NAALADL2: variants seen among roughly 807,000 people sequenced by gnomAD.
NAALADL2 encodes the protein N-acetylated alpha-linked acidic dipeptidase like 2, also known as inactive N-acetylated-alpha-linked acidic dipeptidase-like protein 2.
NAALADL2 carries 76 observed loss-of-function variants against 87.2 expected under a neutral mutation model. The observed-to-expected ratio is 0.87, with a 90% CI of 0.72 to 1.05. The LOEUF (loss-of-function observed/expected upper bound fraction) is 1.05, where lower values mean the gene tolerates loss of function less well. Among genes scored for constraint, NAALADL2 ranks in the 50% least tolerant of loss-of-function variants. The probability of loss-of-function intolerance (pLI) is 0.00; values close to 1 mark genes in which losing one functional copy is unlikely to be tolerated. For missense variants in NAALADL2, 1,089 were observed against 945.8 expected (o/e 1.15, Z -1.99); for synonymous variants, 354 against 331.0 (o/e 1.07, Z -0.75).
intron 1 of NAALADL2, among the ~76,000 whole-genome samples, chr3:174,963,118 T>G (rs1186993780): frequency 6.6e-6 from 1 of 152,096 alleles, no homozygotes; most frequent in Non-Finnish European, 1.5e-5. Context: ...GGAGGTCAAA[T>G]ATACATTCTG....
At chr3:174,455,865 TG>T (rs1715799013) in intron 1 of NAALADL2, among the ~76,000 whole-genome samples, 1 of 152,142 alleles carries the variant, frequency 6.6e-6, no homozygotes, top group South Asian at 2.1e-4. Context: ...TTGGAAGTCC[TG>T]GCCAGAGCAG....
At chr3:175,787,087 G>A (rs1019605076) in intron 13 of NAALADL2, among the ~76,000 whole-genome samples, 4 of 152,146 alleles carry the variant, frequency 2.6e-5, no homozygotes, top group South Asian at 2.1e-4. Flanking sequence ...CTCCAGCTGT[G>A]TGCTGGGAGA....
chr3:175,805,985 A>G lies in NAALADL2; in HGVS notation c.*2782A>G, dbSNP rs1397167792. 6.6e-6 allele frequency: 1 copy of G among 151,938 alleles called. No individual in the cohort carries two copies. Among genetic ancestry groups the G allele is most frequent in the African/African-American group, 2.4e-5 (1 of 41,412 alleles). 9.4% of individuals were successfully genotyped at this position (151,938 alleles called of 1,614,324 possible). A position where few individuals can be genotyped will look rare whatever the true frequency, so the allele number is the denominator to read the frequency against. On this transcript the variant is annotated 3_prime_UTR_variant, in exon 14 of 14. Coordinates refer to ENST00000454872, the MANE Select transcript of NAALADL2 (RefSeq NM_207015.3). ...AACCCAAAGTGAGTAAGAAACTTGG[A>G]CATAGTCATGTATTTAGTTAGTAAC...
At chr3:175,622,067 T>C (rs1025408642) in intron 10 of NAALADL2, among the ~76,000 whole-genome samples, 11 of 152,212 alleles carry the variant, frequency 7.2e-5, no homozygotes, top group African/African-American at 2.7e-4. Flanking sequence ...AATTAAAGGA[T>C]AACAATATTA....
intron 1 of NAALADL2, among the ~76,000 whole-genome samples, chr3:174,962,377 T>TATATATATATGTCATAGTGACTATGAC (rs1553904473): frequency 4.7e-4 from 48 of 101,424 alleles, no homozygotes; most frequent in African/African-American, 4.1e-3. Flanking sequence ...ATGACATATA[T>TATATATATATGTCATAGTGACTATGAC]ATATATATAT....
At chr3:174,480,917 GC>G (rs1427068548) in intron 1 of NAALADL2, among the ~76,000 whole-genome samples, 2 of 152,038 alleles carry the variant, frequency 1.3e-5, no homozygotes, top group Non-Finnish European at 2.9e-5. Flanking sequence ...ATAAATTAAT[GC>G]CAGAAGGAGG....
chr3:174,501,777 C>T (rs941655343), intron 1 of NAALADL2, among the ~76,000 whole-genome samples: 1 of 151,750 alleles, frequency 6.6e-6, no homozygotes, highest in African/African-American at 2.4e-5. Flanking sequence ...TAATTTATAT[C>T]TTTTTTCTTT....
chr3:174,718,111 TCAAACAAA>T (rs1197073999), intron 2 of NAALADL2, among the ~76,000 whole-genome samples: 2 of 151,940 alleles, frequency 1.3e-5, no homozygotes, highest in African/African-American at 2.4e-5. Flanking sequence ...ATATTGTGTC[TCAAACAAA>T]CAAACAAACA....
intron 11 of NAALADL2, among the ~76,000 whole-genome samples, chr3:175,725,912 G>T (rs1401643940): frequency 6.6e-6 from 1 of 152,120 alleles, no homozygotes; most frequent in Admixed American, 6.6e-5. Context: ...TCATGTTAAA[G>T]ATAGTTATTA....
intron 5 of NAALADL2, among the ~76,000 whole-genome samples, chr3:175,424,190 T>A (rs879921462): frequency 6.6e-6 from 1 of 152,012 alleles, no homozygotes; most frequent in Admixed American, 6.6e-5. Flanking sequence ...TGCAAAAATT[T>A]TGTCCCATTC....
intron 2 of NAALADL2, among the ~76,000 whole-genome samples, chr3:175,172,857 C>T (rs1333507525): frequency 6.6e-6 from 1 of 152,110 alleles, no homozygotes; most frequent in Admixed American, 6.6e-5. Flanking sequence ...TTTGTTTTCA[C>T]TTAAGGACCT....
At chr3:174,598,293 T>G (rs1225583646) in intron 2 of NAALADL2, among the ~76,000 whole-genome samples, 1 of 152,184 alleles carries the variant, frequency 6.6e-6, no homozygotes, top group Non-Finnish European at 1.5e-5. Context: ...AACTTTGAGT[T>G]AGTGTGACTA....
intron 11 of NAALADL2, among the ~76,000 whole-genome samples, chr3:175,721,782 T>C (rs2150035672): frequency 6.6e-6 from 1 of 152,060 alleles, no homozygotes; most frequent in South Asian, 2.1e-4. Flanking sequence ...GGAGGTGGGG[T>C]AACTACATAA....
intron 2 of NAALADL2, among the ~76,000 whole-genome samples, chr3:174,555,732 C>T (rs1712711878): frequency 6.6e-6 from 1 of 152,154 alleles, no homozygotes; most frequent in Non-Finnish European, 1.5e-5. Context: ...TTCTATAAGC[C>T]ATTCCATCCT....
At position 174,899,622 on chromosome 3, in the gene NAALADL2, C is replaced by T. The variant is rs181356684; in HGVS notation, c.43+40172C>T. ...CCAGAAGCTGAGCAGATACTAGCAT[C>T]GTGATTCCTGTACAGCCTGCATAAC... On this transcript the variant is annotated intron_variant, in intron 1 of 13. Transcript: ENST00000454872. Among the ~76,000 whole-genome samples the T allele has an allele frequency of 1.7e-4, 26 of 152,252 alleles. No homozygotes were observed. In the Middle Eastern group the frequency reaches 0.024, roughly 139 times the overall value.
At chr3:175,413,277 C>G (rs773689345) in intron 5 of NAALADL2, among the ~76,000 whole-genome samples, 15 of 150,276 alleles carry the variant, frequency 1.0e-4, no homozygotes, top group Non-Finnish European at 1.8e-4. Flanking sequence ...TCCATTAAAA[C>G]TACCAAAAAT....
chr3:174,531,567 A>G (rs956402385), intron 1 of NAALADL2, among the ~76,000 whole-genome samples: 3 of 152,228 alleles, frequency 2.0e-5, no homozygotes, highest in Admixed American at 1.3e-4. Flanking sequence ...CGAACTTTCT[A>G]TCATTCATTT....
At chr3:175,624,870 C>T (rs1726769810) in intron 10 of NAALADL2, among the ~76,000 whole-genome samples, 1 of 151,968 alleles carries the variant, frequency 6.6e-6, no homozygotes, top group African/African-American at 2.4e-5. Flanking sequence ...AAGTACTTTA[C>T]AAGAAATAGC....
At chr3:174,583,841 T>C (rs1286106361) in intron 2 of NAALADL2, among the ~76,000 whole-genome samples, 1 of 152,136 alleles carries the variant, frequency 6.6e-6, no homozygotes, top group African/African-American at 2.4e-5. Flanking sequence ...AGCGGAATAA[T>C]TTTCCATATG....
Sources: allele counts gnomAD v4.1 joint callset (sites outside exome capture counted in the v4.1 genomes callset), GRCh38; gene constraint gnomAD v4.1.1; transcripts MANE v1.5; gene names NCBI Gene and HGNC (gene_info 2026-07-23, HGNC 2026-07-21).